SHC3: variants seen among roughly 807,000 people sequenced by gnomAD.
SHC3 encodes the protein SHC adaptor protein 3, also known as SHC-transforming protein 3.
Under a neutral mutation model 60.4 loss-of-function variants are expected in SHC3, and 15 were observed. The ratio of observed to expected loss-of-function variants is 0.25; its 90% CI spans 0.17 to 0.38. The LOEUF (loss-of-function observed/expected upper bound fraction) is 0.38, where lower values mean the gene tolerates loss of function less well. SHC3 is among the 10% of genes least tolerant of loss of function. SHC3 has a pLI of 1.00. For missense variants in SHC3, 677 were observed against 786.1 expected, an observed-to-expected ratio of 0.86 and a Z score of 1.66; for synonymous variants, 294 against 325.9, an observed-to-expected ratio of 0.90 and a Z score of 1.05.
At position 89,105,516 on chromosome 9, in the gene SHC3, G is replaced by A. The variant is rs1825846606; in HGVS notation, c.545+7040C>T. Reference sequence around the variant, plus strand: ...TCTATAAAAATGGCATGTTCATATGGTTCACCTTGATATCCTACTTATGTA... The same window carrying A: ...TCTATAAAAATGGCATGTTCATATGATTCACCTTGATATCCTACTTATGTA... On this transcript the variant is annotated intron_variant, in intron 2 of 11. Coordinates refer to ENST00000375835, the MANE Select transcript of SHC3 (RefSeq NM_016848.6). Among the ~76,000 whole-genome samples, 4 of 152,124 alleles carry A rather than the reference G, an allele frequency of 2.6e-5. No individual in the cohort carries two copies. In the South Asian group the frequency reaches 8.3e-4, roughly 32 times the overall value.
At chr9:89,085,882 T>G (rs1401965125) in intron 2 of SHC3, among the ~76,000 whole-genome samples, 1 of 152,208 alleles carries the variant, frequency 6.6e-6, no homozygotes, top group Non-Finnish European at 1.5e-5. Flanking sequence ...CACGAGTTCC[T>G]TCCTCAATAA....
At chr9:89,165,577 A>T (rs1350502490) in intron 1 of SHC3, among the ~76,000 whole-genome samples, 1 of 149,334 alleles carries the variant, frequency 6.7e-6, no homozygotes. Flanking sequence ...AAAGGAAGGG[A>T]AAAGAAGAAA....
chr9:89,086,022 A>G (rs1029006417), intron 2 of SHC3, among the ~76,000 whole-genome samples: 3 of 152,234 alleles, frequency 2.0e-5, no homozygotes, highest in Middle Eastern at 3.2e-3. Context: ...TAAATGACAC[A>G]TCTATGAATC....
intron 11 of SHC3, among the ~76,000 whole-genome samples, chr9:89,036,053 G>A (rs1426069521): frequency 6.6e-6 from 1 of 151,912 alleles, no homozygotes; most frequent in Non-Finnish European, 1.5e-5. Context: ...AAACCATCAA[G>A]CACAAAGGGG....
intron 7 of SHC3, 140 bp downstream of exon 7, chr9:89,051,897 C>A (rs7021743): frequency 0.66 from 797,086 of 1,207,166 alleles, 266,521 homozygotes; most frequent in East Asian, 1. Context: ...CATATCCCAG[C>A]ACCGACCAGG....
chr9:89,045,465 G>A (rs1024886929), intron 9 of SHC3, among the ~76,000 whole-genome samples: 1 of 152,008 alleles, frequency 6.6e-6, no homozygotes, highest in African/African-American at 2.4e-5. Context: ...ATTTAGTAGA[G>A]TTGGGGTTTC....
chr9:89,140,910 G>A (rs909944070), intron 1 of SHC3, among the ~76,000 whole-genome samples: 2 of 152,182 alleles, frequency 1.3e-5, no homozygotes, highest in Non-Finnish European at 2.9e-5. Context: ...TCAAGAAGGG[G>A]AAAAAGATAA....
At chr9:89,174,214 A>G (rs1157931528) in intron 1 of SHC3, among the ~76,000 whole-genome samples, 3 of 152,216 alleles carry the variant, frequency 2.0e-5, no homozygotes, top group Non-Finnish European at 4.4e-5. Flanking sequence ...AAGGCAGTAG[A>G]GCATTTACAA....
At position 89,052,051 on chromosome 9, in the gene SHC3, G is replaced by A. The variant is rs35161222; in HGVS notation, c.948C>T (p.Pro316=). Residue 316 remains proline (P), a synonymous_variant, in exon 7 of 12, where the codon CCC becomes CCT. Transcript: ENST00000375835. ...KQYLQCPTKI[P]ALHDRMQSLD... is the part of the protein sequence containing the mutation. ...GCACTACTCACCGATCATGGAGAGC[G>A]GGAATCTTGGTAGGACACTGTAAAT... 6,047 of 1,613,846 alleles carry A rather than the reference G, an allele frequency of 3.7e-3. 55 individuals are homozygous for A. The highest frequency in any genetic ancestry group is 0.028 in the African/African-American group (2,078 of 75,036).
intron 11 of SHC3, among the ~76,000 whole-genome samples, chr9:89,014,411 A>G (rs1361856391): frequency 6.6e-6 from 1 of 152,132 alleles, no homozygotes; most frequent in African/African-American, 2.4e-5. Context: ...TCTGGACACA[A>G]TCTCCTGGGA....
At chr9:89,153,182 TTTTC>T (rs1482702652) in intron 1 of SHC3, among the ~76,000 whole-genome samples, 2 of 152,230 alleles carry the variant, frequency 1.3e-5, no homozygotes, top group Non-Finnish European at 2.9e-5. Flanking sequence ...CTTGAAATTA[TTTTC>T]TTTCTAACAC....
At chr9:89,131,687 G>A (rs1826246644) in intron 1 of SHC3, among the ~76,000 whole-genome samples, 2 of 152,076 alleles carry the variant, frequency 1.3e-5, no homozygotes, top group Non-Finnish European at 2.9e-5. Context: ...ATGCAGAAAA[G>A]GCTTTCAACA....
chr9:89,133,153 T>C (rs1826271788), intron 1 of SHC3, among the ~76,000 whole-genome samples: 1 of 152,084 alleles, frequency 6.6e-6, no homozygotes, highest in South Asian at 2.1e-4. Flanking sequence ...AACAGACACA[T>C]GAAAAAATGC....
At chr9:89,165,526 CA>C (rs35567194) in intron 1 of SHC3, among the ~76,000 whole-genome samples, 1,750 of 121,130 alleles carry the variant, frequency 0.014, 9 homozygotes, top group African/African-American at 0.041. Flanking sequence ...ATCATCAAGG[CA>C]AAAAAAAAAA....
chr9:89,062,028 G>A (rs1455281199), intron 6 of SHC3, among the ~76,000 whole-genome samples: 1 of 152,180 alleles, frequency 6.6e-6, no homozygotes, highest in African/African-American at 2.4e-5. Flanking sequence ...GTACCAGAGG[G>A]CGCCTGATCA....
intron 2 of SHC3, among the ~76,000 whole-genome samples, chr9:89,088,110 C>T (rs1825562106): frequency 6.6e-6 from 1 of 152,126 alleles, no homozygotes; most frequent in African/African-American, 2.4e-5. Context: ...GGTTAAGAGA[C>T]CTTTACTATC....
intron 1 of SHC3, among the ~76,000 whole-genome samples, chr9:89,146,577 T>A (rs998284826): frequency 6.6e-6 from 1 of 152,204 alleles, no homozygotes; most frequent in Non-Finnish European, 1.5e-5. Flanking sequence ...AATCCCATGT[T>A]AACCTAGAAG....
At chr9:89,023,389 A>G (rs1330021559) in intron 11 of SHC3, among the ~76,000 whole-genome samples, 1 of 152,238 alleles carries the variant, frequency 6.6e-6, no homozygotes, top group Non-Finnish European at 1.5e-5. Flanking sequence ...GGCTGGGTTT[A>G]TTTAGGCCCA....
chr9:89,062,912 G>A (rs937995478), intron 6 of SHC3, among the ~76,000 whole-genome samples: 2 of 152,204 alleles, frequency 1.3e-5, no homozygotes, highest in African/African-American at 4.8e-5. Context: ...AAGTCATCCT[G>A]GTAAGGACAC....
Sources: allele counts gnomAD v4.1 joint callset (sites outside exome capture counted in the v4.1 genomes callset), GRCh38; gene constraint gnomAD v4.1.1; transcripts MANE v1.5; gene names NCBI Gene and HGNC (gene_info 2026-07-23, HGNC 2026-07-21).